NQO1: variants seen among roughly 807,000 people sequenced by gnomAD.
The protein encoded by NQO1 is NAD(P)H dehydrogenase [quinone] 1.
A neutral mutation model predicts 32.1 loss-of-function variants in NQO1; 30 were observed. The ratio of observed to expected loss-of-function variants is 0.94; its 90% confidence interval spans 0.70 to 1.27. The LOEUF (loss-of-function observed/expected upper bound fraction) is 1.27, where lower values mean the gene tolerates loss of function less well. NQO1 is among the 50% of genes most tolerant of loss of function. NQO1 has a pLI of 0.00. For missense variants in NQO1, 276 were observed against 331.3 expected (o/e 0.83, Z 1.30); for synonymous variants, 109 against 119.7 (o/e 0.91, Z 0.59).
At chr16:69,718,871 C>T (rs1309186283) in intron 1 of NQO1, among the ~76,000 whole-genome samples, 2 of 151,876 alleles carry the variant, frequency 1.3e-5, no homozygotes, top group East Asian at 3.9e-4. Context: ...CCTGTCTCTA[C>T]TAAAAATACA....
At chr16:69,726,408 G>GC (rs778439179) in intron 1 of NQO1, 25 bp downstream of exon 1, 2 of 1,611,126 alleles carry the variant, frequency 1.2e-6, no homozygotes, top group Middle Eastern at 1.6e-4. Flanking sequence ...CGACCGCCAA[G>GC]CACCCCGCCC....
At chr16:69,714,855 G>T in intron 4 of NQO1, 109 bp downstream of exon 4, 1 of 760,908 alleles carries the variant, frequency 1.3e-6, no homozygotes. Flanking sequence ...CTCCAGCCTG[G>T]GCAACAAGAG....
chr16:69,723,142 C>T (rs1365153586), intron 1 of NQO1, among the ~76,000 whole-genome samples: 1 of 152,150 alleles, frequency 6.6e-6, no homozygotes, highest in Non-Finnish European at 1.5e-5. Context: ...CCAGGATGGT[C>T]TCGATTTCCT....
chr16:69,711,096 T>C lies in NQO1; in HGVS notation c.705A>G (p.Ala235=), dbSNP rs953575217. The C allele has an allele frequency of 3.1e-6, 5 of 1,614,120 alleles. No individual in the cohort carries two copies. In the African/African-American group the frequency reaches 5.3e-5, roughly 17 times the overall value. The change falls in exon 6 of 6, where the codon GCA becomes GCG. Residue 235 remains alanine (A), a synonymous_variant. Transcript: ENST00000320623. ...GTACCTCTTTTTTCATTAAGAATCC[T>C]GCCTGGAAGTTTAGGTCAAAGAGGC... ...PSSLFDLNFQ[A]GFLMKKEVQD...
intron 1 of NQO1, among the ~76,000 whole-genome samples, chr16:69,723,526 G>A (rs918925321): frequency 2.0e-5 from 3 of 152,058 alleles, no homozygotes; most frequent in South Asian, 2.1e-4. Flanking sequence ...GGTGGGTCGC[G>A]GTGGCTCACA....
chr16:69,726,083 A>G (rs2038257602), intron 1 of NQO1, among the ~76,000 whole-genome samples: 1 of 152,176 alleles, frequency 6.6e-6, no homozygotes, highest in Non-Finnish European at 1.5e-5. Flanking sequence ...AGTGTTTTAG[A>G]TACTATAGAC....
rs146678062 is a variant in NQO1, at chr16:69,712,932, G to A, written c.519+96C>T. The A allele has an allele frequency of 3.1e-3, 3,091 of 993,892 alleles. 6 individuals are homozygous for A. Among genetic ancestry groups the A allele is most frequent in the Non-Finnish European group, 4.0e-3 (2,588 of 654,626 alleles). The allele number at this position is 993,892 out of a possible 1,614,324, so 61.6% of individuals were successfully genotyped here. A position where few individuals can be genotyped will look rare whatever the true frequency, so the allele number is the denominator to read the frequency against. On this transcript the variant is annotated intron_variant, in intron 5 of 5. Coordinates refer to ENST00000320623, the MANE Select transcript of NQO1 (RefSeq NM_000903.3). ...TGCTCGAACCCAGCGGGCGGAGCTT[G>A]TAGTGAACTAAGATGGTGTCACTGC... is the stretch of plus-strand genomic sequence containing the variant.
intron 5 of NQO1, 63 bp downstream of exon 5, chr16:69,712,965 C>G (rs1228721606): frequency 6.6e-6 from 9 of 1,368,508 alleles, no homozygotes; most frequent in Non-Finnish European, 9.3e-6. Context: ...TGCACTCCAG[C>G]CTAGATGACA....
intron 1 of NQO1, among the ~76,000 whole-genome samples, chr16:69,719,023 A>G (rs1394803064): frequency 1.0e-4 from 11 of 110,092 alleles, no homozygotes; most frequent in Non-Finnish European, 2.1e-4. Flanking sequence ...TGACAATGGG[A>G]GACTCCGTCT....
chr16:69,715,673 C>T (rs2038103531), intron 3 of NQO1, among the ~76,000 whole-genome samples: 1 of 152,202 alleles, frequency 6.6e-6, no homozygotes. Flanking sequence ...GCTGTTGAGG[C>T]AGGAGAATCA....
At chr16:69,721,408 C>T (rs905805729) in intron 1 of NQO1, among the ~76,000 whole-genome samples, 2 of 152,196 alleles carry the variant, frequency 1.3e-5, no homozygotes, top group Non-Finnish European at 2.9e-5. Flanking sequence ...CTCCCACCGT[C>T]TATGTAAGGA....
chr16:69,720,215 C>T (rs946036138), intron 1 of NQO1, among the ~76,000 whole-genome samples: 4 of 151,902 alleles, frequency 2.6e-5, no homozygotes, highest in Non-Finnish European at 4.4e-5. Flanking sequence ...GATCCGTGAT[C>T]GCCGCACTGC....
rs2038029717 is a variant in NQO1 at position 69,710,943 on chromosome 16, A to G, written c.*33T>C. 2 of 1,576,070 alleles carry G rather than the reference A, an allele frequency of 1.3e-6. No individual in the cohort carries two copies. The highest frequency in any genetic ancestry group is 2.3e-5 in the South Asian group (2 of 85,538). ...GCCTGGAAAGATACCCAGATTTGAT[A>G]ACATGTTAGAAGGAAATCCAGGCTA... is the stretch of plus-strand genomic sequence containing the variant. On this transcript the variant is annotated 3_prime_UTR_variant, in exon 6 of 6. Transcript: ENST00000320623.
chr16:69,711,095 C>T lies in NQO1; in HGVS notation c.706G>A (p.Gly236Arg), dbSNP rs926199143. 6.2e-7 allele frequency: 1 copy of T among 1,614,172 alleles called. No individual in the cohort carries two copies. The highest frequency in any genetic ancestry group is 8.5e-7 in the Non-Finnish European group (1 of 1,180,030). ...TGTACCTCTTTTTTCATTAAGAATCCTGCCTGGAAGTTTAGGTCAAAGAGG... is the reference window on the plus strand; with the variant it reads ...TGTACCTCTTTTTTCATTAAGAATCTTGCCTGGAAGTTTAGGTCAAAGAGG... ...SSLFDLNFQA[G>R]FLMKKEVQDE... The change falls in exon 6 of 6, where the codon GGA (glycine) becomes AGA (arginine). Residue 236 changes from glycine to arginine, a missense_variant. Coordinates refer to ENST00000320623, the MANE Select transcript of NQO1 (RefSeq NM_000903.3).
At chr16:69,726,255 A>T (rs540090945) in intron 1 of NQO1, among the ~76,000 whole-genome samples, 178 bp downstream of exon 1, 1 of 152,306 alleles carries the variant, frequency 6.6e-6, no homozygotes, top group South Asian at 2.1e-4. Flanking sequence ...CACCGGATAC[A>T]AACAGAAGCT....
At position 69,713,657 on chromosome 16, in the gene NQO1, C is replaced by T. The variant is rs538405995; in HGVS notation, c.418-528G>A. Among the ~76,000 whole-genome samples the T allele has an allele frequency of 1.1e-4, 16 of 152,156 alleles. No homozygotes were observed. The East Asian group carries it at 2.5e-3, about 24-fold the overall frequency. Reference sequence around the variant, plus strand: ...GTATTCTGCTATTCTAGTTTTAGCTCGACCCATGACCCCCTTTTTCTCTGG... The same window carrying T: ...GTATTCTGCTATTCTAGTTTTAGCTTGACCCATGACCCCCTTTTTCTCTGG... On this transcript the variant is annotated intron_variant, in intron 4 of 5. Coordinates refer to ENST00000320623, the MANE Select transcript of NQO1 (RefSeq NM_000903.3).
At chr16:69,722,602 C>T (rs2038207515) in intron 1 of NQO1, among the ~76,000 whole-genome samples, 2 of 152,184 alleles carry the variant, frequency 1.3e-5, no homozygotes, top group South Asian at 4.1e-4. Context: ...CTAAATTCAG[C>T]GAAGTGTAAC....
In NQO1 at chr16:69,719,835, T is replaced by C. The variant is rs1270923694; in HGVS notation, c.8-1301A>G. Among the ~76,000 whole-genome samples, 6 of 151,502 alleles carry C rather than the reference T, an allele frequency of 4.0e-5. 1 individual carries two copies. The South Asian group carries it at 6.3e-4, about 16-fold the overall frequency. ...ATAAAAAAGAATGAGTTAAACTGGC[T>C]GGGCACAGTGGCTGGAGCCTGTAAT... On this transcript the variant is annotated intron_variant, in intron 1 of 5. Transcript: ENST00000320623.
At chr16:69,718,724 C>T (rs1006518918) in intron 1 of NQO1, among the ~76,000 whole-genome samples, 190 bp from the exon 2 acceptor site, 6 of 152,166 alleles carry the variant, frequency 3.9e-5, no homozygotes, top group African/African-American at 1.4e-4. Context: ...GCATTTAAAT[C>T]AGTGGCTGAT....
Sources: allele counts gnomAD v4.1 joint callset (sites outside exome capture counted in the v4.1 genomes callset), GRCh38; gene constraint gnomAD v4.1.1; transcripts MANE v1.5; gene names NCBI Gene and HGNC (gene_info 2026-07-23, HGNC 2026-07-21).